ZBTB20: variants seen among roughly 807,000 people sequenced by gnomAD.
ZBTB20 encodes zinc finger and BTB domain-containing protein 20.
ZBTB20 carries 9 observed loss-of-function variants against 56.9 expected under a neutral mutation model. The ratio of observed to expected loss-of-function variants is 0.16; its 90% confidence interval spans 0.10 to 0.28. ZBTB20 has a LOEUF of 0.28. Ranked by LOEUF, ZBTB20 falls within the 10% of genes least tolerant of loss-of-function variation. ZBTB20 has a pLI of 1.00. For synonymous variants in ZBTB20, 417 were observed against 420.7 expected (o/e 0.99, Z 0.11); for missense variants, 655 against 1,003.0 (o/e 0.65, Z 4.69).
chr3:114,553,904 G>T (rs75836845), intron 6 of ZBTB20, among the ~76,000 whole-genome samples: 2,453 of 152,176 alleles, frequency 0.016, 71 homozygotes, highest in African/African-American at 0.054. Context: ...TTTAAAGTCA[G>T]TAACCCTAAA....
At chr3:114,962,305 TG>T (rs1181357769) in intron 3 of ZBTB20, among the ~76,000 whole-genome samples, 1 of 152,152 alleles carries the variant, frequency 6.6e-6, no homozygotes, top group Non-Finnish European at 1.5e-5. Context: ...AAATTGTATA[TG>T]GGATTTGGTT....
chr3:114,621,710 C>T (rs2058332583), intron 6 of ZBTB20, among the ~76,000 whole-genome samples: 1 of 152,120 alleles, frequency 6.6e-6, no homozygotes, highest in African/African-American at 2.4e-5. Context: ...CATTTCACAA[C>T]ATGCATCCTC....
intron 5 of ZBTB20, among the ~76,000 whole-genome samples, chr3:114,781,125 A>G (rs948133473): frequency 3.3e-5 from 5 of 152,200 alleles, no homozygotes; most frequent in Admixed American, 2.0e-4. Context: ...TATTCACAAA[A>G]GTTAAAAACT....
intron 5 of ZBTB20, among the ~76,000 whole-genome samples, chr3:114,777,203 G>T (rs116036330): frequency 6.6e-6 from 1 of 152,086 alleles, no homozygotes; most frequent in Non-Finnish European, 1.5e-5. Context: ...CTAAACCCAA[G>T]AATTCTTAAA....
chr3:114,783,659 G>A (rs935664650), intron 5 of ZBTB20, among the ~76,000 whole-genome samples: 3 of 151,920 alleles, frequency 2.0e-5, no homozygotes, highest in Non-Finnish European at 4.4e-5. Context: ...CTGGGCTGGT[G>A]ACACGTGCCT....
chr3:114,889,851 G>GA (rs145322805), intron 4 of ZBTB20, among the ~76,000 whole-genome samples: 25 of 151,544 alleles, frequency 1.6e-4, no homozygotes, highest in Admixed American at 3.3e-4. Flanking sequence ...ATAAGTGGTA[G>GA]AAAAAAAAGG....
intron 5 of ZBTB20, among the ~76,000 whole-genome samples, chr3:114,727,910 C>T (rs1403895324): frequency 1.3e-5 from 2 of 151,900 alleles, no homozygotes; most frequent in Non-Finnish European, 2.9e-5. Context: ...GGCCCAGATC[C>T]CCATAGTTAC....
intron 6 of ZBTB20, among the ~76,000 whole-genome samples, chr3:114,537,651 A>G (rs2048634790): frequency 6.6e-6 from 1 of 152,194 alleles, no homozygotes; most frequent in Non-Finnish European, 1.5e-5. Flanking sequence ...TACCCAAAGT[A>G]TTAGAAATCA....
At chr3:114,969,825 T>C (rs954351052) in intron 3 of ZBTB20, among the ~76,000 whole-genome samples, 1 of 152,222 alleles carries the variant, frequency 6.6e-6, no homozygotes. Flanking sequence ...TGGTAACTGC[T>C]GAACTATGAA....
chr3:115,011,451 G>A (rs1461553857), intron 2 of ZBTB20, among the ~76,000 whole-genome samples: 1 of 151,836 alleles, frequency 6.6e-6, no homozygotes, highest in Non-Finnish European at 1.5e-5. Flanking sequence ...CAACACATCT[G>A]GCAGCAGACT....
In ZBTB20 at chr3:114,350,768, T is replaced by C. The variant is rs2080595652; in HGVS notation, c.1310A>G (p.Asn437Ser). 2 of 1,614,112 alleles carry C rather than the reference T, an allele frequency of 1.2e-6. No homozygotes were observed. The highest frequency in any genetic ancestry group is 1.7e-6 in the Non-Finnish European group (2 of 1,179,990). The change falls in exon 11 of 12, where the codon AAT (asparagine) becomes AGT (serine). Residue 437 changes from asparagine to serine, a missense_variant. This residue lies in a region of ZBTB20 where 156 missense variants were observed against 181.0 expected (regional missense o/e 0.86). Transcript: ENST00000675478. ...AACAGTGCTGTCCATCTCCACTTCA[T>C]TGCTTCTCTCCGGAGAGGAAGCACC... is the stretch of plus-strand genomic sequence containing the variant. ...ETGASSPERS[N>S]EVEMDSTVIT... is the part of the protein sequence containing the mutation.
intron 7 of ZBTB20, among the ~76,000 whole-genome samples, chr3:114,405,088 G>GAA (rs946849710): frequency 1.3e-4 from 20 of 149,350 alleles, no homozygotes; most frequent in African/African-American, 4.7e-4. Context: ...CTCATAGGAG[G>GAA]AAAAAAAAAA....
chr3:115,025,823 T>C (rs2080401295), intron 2 of ZBTB20, among the ~76,000 whole-genome samples: 1 of 149,742 alleles, frequency 6.7e-6, no homozygotes, highest in Non-Finnish European at 1.5e-5. Flanking sequence ...AATATCACAA[T>C]TAGGCAGTCT....
intron 3 of ZBTB20, among the ~76,000 whole-genome samples, chr3:114,960,195 T>C (rs1426091845): frequency 6.6e-6 from 1 of 152,204 alleles, no homozygotes; most frequent in Non-Finnish European, 1.5e-5. Flanking sequence ...GAAAGTTTCA[T>C]AGCAATAACT....
At chr3:114,932,313 T>C (rs1560412856) in intron 3 of ZBTB20, among the ~76,000 whole-genome samples, 1 of 152,260 alleles carries the variant, frequency 6.6e-6, no homozygotes, top group Non-Finnish European at 1.5e-5. Context: ...GTGATAGCAG[T>C]AGCCTGTCCA....
At chr3:114,381,466 C>T (rs1184167535) in intron 8 of ZBTB20, among the ~76,000 whole-genome samples, 4 of 152,126 alleles carry the variant, frequency 2.6e-5, no homozygotes, top group African/African-American at 9.7e-5. Flanking sequence ...CTACACAGAC[C>T]CTAGACCACA....
intron 2 of ZBTB20, among the ~76,000 whole-genome samples, chr3:115,053,178 C>T (rs532495378): frequency 2.0e-5 from 3 of 152,266 alleles, no homozygotes; most frequent in Admixed American, 1.3e-4. Flanking sequence ...TGAGAAATAA[C>T]GACTTTAAAG....
At chr3:114,663,300 T>C (rs959970634) in intron 6 of ZBTB20, among the ~76,000 whole-genome samples, 90 of 149,940 alleles carry the variant, frequency 6.0e-4, no homozygotes, top group African/African-American at 2.1e-3. Context: ...GCTTCATAAG[T>C]GAAGGAGAAA....
At chr3:115,095,662 G>C (rs1190995542) in intron 1 of ZBTB20, among the ~76,000 whole-genome samples, 1 of 152,104 alleles carries the variant, frequency 6.6e-6, no homozygotes, top group African/African-American at 2.4e-5. Flanking sequence ...ATACATGATA[G>C]TAATCATAGA....
Sources: allele counts gnomAD v4.1 joint callset (sites outside exome capture counted in the v4.1 genomes callset), GRCh38; gene constraint gnomAD v4.1.1; regional missense constraint gnomAD v4.1.1; transcripts MANE v1.5; gene names NCBI Gene and HGNC (gene_info 2026-07-23, HGNC 2026-07-21).